NEIL3: variants seen among roughly 807,000 people sequenced by gnomAD.
NEIL3 encodes endonuclease 8-like 3.
Under a neutral mutation model 57.5 loss-of-function variants are expected in NEIL3, and 48 were observed. The observed-to-expected ratio is 0.83, with a 90% CI of 0.66 to 1.06. The LOEUF (loss-of-function observed/expected upper bound fraction) is 1.06, where lower values mean the gene tolerates loss of function less well. Among genes scored for constraint, NEIL3 ranks in the 50% least tolerant of loss-of-function variants. The pLI is 0.00. For synonymous variants in NEIL3, 261 were observed against 253.2 expected (o/e 1.03, Z -0.29); for missense variants, 717 against 739.1 (o/e 0.97, Z 0.35).
chr4:177,343,031 G>A (rs1202788181), intron 6 of NEIL3: 1 of 152,254 alleles, frequency 6.6e-6, no homozygotes, highest in Non-Finnish European at 1.5e-5. Context: ...TAATGGGCAA[G>A]CGATGGTTAC....
chr4:177,351,558 G>A lies in NEIL3; in HGVS notation c.1039+9G>A, dbSNP rs1735354099. ...GACCTCAAGGCCTATTGGTAAGACT[G>A]AATTTTGATTTTGAGTTTGTTACAT... On this transcript the variant is annotated intron_variant, in intron 7 of 9. Coordinates refer to ENST00000264596, the MANE Select transcript of NEIL3 (RefSeq NM_018248.3). 6.2e-7 allele frequency: 1 copy of A among 1,602,076 alleles called. No individual in the cohort carries two copies. The highest frequency in any genetic ancestry group is 2.2e-5 in the East Asian group (1 of 44,732).
intron 2 of NEIL3, among the ~76,000 whole-genome samples, chr4:177,331,832 T>C (rs1734890620): frequency 1.3e-5 from 2 of 152,190 alleles, no homozygotes; most frequent in Non-Finnish European, 2.9e-5. Context: ...AGTTTTGCTT[T>C]GTTTGGGTTG....
At chr4:177,339,958 A>C (rs1735059546) in intron 5 of NEIL3, 101 bp downstream of exon 5, 1 of 738,154 alleles carries the variant, frequency 1.4e-6, no homozygotes, top group African/African-American at 1.7e-5. Flanking sequence ...CATCTAGTGG[A>C]AAGAGCATGG....
At chr4:177,340,027 T>C (rs1032156004) in intron 5 of NEIL3, among the ~76,000 whole-genome samples, 170 bp downstream of exon 5, 1 of 152,172 alleles carries the variant, frequency 6.6e-6, no homozygotes. Flanking sequence ...AAATTCTAGG[T>C]CATAGGTCAG....
intron 1 of NEIL3, among the ~76,000 whole-genome samples, chr4:177,319,865 G>T (rs1033950874): frequency 6.6e-6 from 1 of 152,032 alleles, no homozygotes; most frequent in Non-Finnish European, 1.5e-5. Context: ...AATTTCACAG[G>T]GTATGGCTAA....
Position 177,358,831 on chromosome 4 carries a change from G to A in NEIL3, c.1461-1672G>A, listed in dbSNP as rs1025326694. Among the ~76,000 whole-genome samples the A allele has an allele frequency of 1.1e-4, 16 of 152,096 alleles. No individual in the cohort carries two copies. The South Asian group carries it at 1.2e-3, about 12-fold the overall frequency. On this transcript the variant is annotated intron_variant, in intron 8 of 9. Coordinates refer to ENST00000264596, the MANE Select transcript of NEIL3 (RefSeq NM_018248.3). ...CAAGTAGGTTAGAAAATGTTCAACC[G>A]TTATCCAAAACAGCCGCCTCTAAAA... is the stretch of plus-strand genomic sequence containing the variant.
Position 177,336,252 on chromosome 4 carries a change from A to T in NEIL3, c.558A>T (p.Val186=), listed in dbSNP as rs1161445385. ...GTGATGTGCTAATGGATCAGAACGT[A>T]TTGCCTGGAGTAGGGAACATCATCA... ...MLGDVLMDQN[V]LPGVGNIIKN... Residue 186 remains valine, a synonymous_variant, in exon 4 of 10, where the codon GTA becomes GTT. Transcript: ENST00000264596. 1.2e-6 allele frequency: 2 copies of T among 1,614,232 alleles called. No homozygotes were observed. Among genetic ancestry groups the T allele is most frequent in the East Asian group, 4.5e-5 (2 of 44,890 alleles).
rs1311247910 is a variant in NEIL3 at position 177,362,465 on chromosome 4, A to T, written c.1812A>T (p.Gly604=). The T allele has an allele frequency of 1.2e-6, 2 of 1,609,690 alleles. No individual in the cohort carries two copies. Among genetic ancestry groups the T allele is most frequent in the Non-Finnish European group, 1.7e-6 (2 of 1,177,166 alleles). ...ENGPGIKIIP[G]C ...GGCCAGGAATAAAAATTATTCCTGG[A>T]TGCTAATATCTGTAGATTCTCTGGC... The change falls in exon 10 of 10, where the codon GGA becomes GGT. Residue 604 remains glycine (G), a synonymous_variant. Coordinates refer to ENST00000264596, the MANE Select transcript of NEIL3 (RefSeq NM_018248.3).
intron 2 of NEIL3, 102 bp from the exon 3 acceptor site, chr4:177,335,586 C>T (rs540750456): frequency 2.9e-6 from 3 of 1,028,492 alleles, no homozygotes; most frequent in African/African-American, 1.7e-5. Flanking sequence ...TCCTGACTAA[C>T]ATTTGTTTGC....
In NEIL3 at chr4:177,362,392, C is replaced by G. The variant is rs748818502; in HGVS notation, c.1739C>G (p.Pro580Arg). 6.2e-7 allele frequency: 1 copy of G among 1,612,940 alleles called. No homozygotes were observed. The highest frequency in any genetic ancestry group is 1.7e-5 in the Admixed American group (1 of 59,892). ...AATGGAAAGAATTTTTTTGTGTGTCCTCTTGGGAAGGAAAAACAATGCAAT... is the reference window on the plus strand; with the variant it reads ...AATGGAAAGAATTTTTTTGTGTGTCGTCTTGGGAAGGAAAAACAATGCAAT... ...PNNGKNFFVCPLGKEKQCNFF... is the reference protein window; with the variant it reads ...PNNGKNFFVCRLGKEKQCNFF... Residue 580 changes from proline to arginine, a missense_variant, in exon 10 of 10, where the codon CCT becomes CGT. By Grantham distance (103) the Pro-to-Arg change is moderately radical. Coordinates refer to ENST00000264596, the MANE Select transcript of NEIL3 (RefSeq NM_018248.3).
chr4:177,317,291 C>T (rs561777687), intron 1 of NEIL3, among the ~76,000 whole-genome samples: 6 of 152,222 alleles, frequency 3.9e-5, no homozygotes, highest in East Asian at 1.9e-4. Flanking sequence ...GCAAATAAGA[C>T]GTGTATTACA....
At chr4:177,366,317 T>A (rs1735692052), downstream of NEIL3, among the ~76,000 whole-genome samples, 1 of 152,212 alleles carries the variant, frequency 6.6e-6, no homozygotes, top group African/African-American at 2.4e-5. Context: ...AGTGTTACCA[T>A]ATTAATTCTA....
downstream of NEIL3, among the ~76,000 whole-genome samples, chr4:177,363,148 C>T (rs76087943): frequency 4.4e-3 from 676 of 152,250 alleles, 7 homozygotes; most frequent in African/African-American, 0.015. Context: ...CCTCTCCCCG[C>T]TGCTTGTATT....
At chr4:177,361,917 C>T (rs1035685508) in intron 9 of NEIL3, among the ~76,000 whole-genome samples, 3 of 152,110 alleles carry the variant, frequency 2.0e-5, no homozygotes, top group Admixed American at 6.6e-5. Context: ...TGAGCCACCG[C>T]ACCTCACCTG....
chr4:177,362,361 C>T lies in NEIL3; in HGVS notation c.1708C>T (p.Pro570Ser), dbSNP rs755380703. ...CATGAAAACAGTATTGAAGATTGGACCTAACAATGGAAAGAATTTTTTTGT... is the reference window on the plus strand; with the variant it reads ...CATGAAAACAGTATTGAAGATTGGATCTAACAATGGAAAGAATTTTTTTGT... ...STMKTVLKIG[P>S]NNGKNFFVCP... Residue 570 changes from proline to serine, a missense_variant, in exon 10 of 10, where the codon CCT becomes TCT. Pro to Ser is a moderately conservative substitution (Grantham distance 74). Coordinates refer to ENST00000264596, the MANE Select transcript of NEIL3 (RefSeq NM_018248.3). The T allele has an allele frequency of 3.1e-6, 5 of 1,613,050 alleles. No individual in the cohort carries two copies. In the Admixed American group the frequency reaches 8.3e-5, roughly 27 times the overall value.
chr4:177,345,464 CT>C (rs11368079), intron 6 of NEIL3, among the ~76,000 whole-genome samples: 90,485 of 139,198 alleles, frequency 0.65, 28,460 homozygotes, highest in Non-Finnish European at 0.7. Context: ...CAAACCAACT[CT>C]TTTTTTTTTT....
At chr4:177,315,776 C>T (rs1450243334) in intron 1 of NEIL3, among the ~76,000 whole-genome samples, 1 of 152,176 alleles carries the variant, frequency 6.6e-6, no homozygotes, top group African/African-American at 2.4e-5. Context: ...TATCCAGGTG[C>T]TTGCAATGGC....
chr4:177,317,597 C>CTTTTTTTTTTTTTTTTTT (rs745358876), intron 1 of NEIL3, among the ~76,000 whole-genome samples: 1 of 70,070 alleles, frequency 1.4e-5, no homozygotes, highest in Non-Finnish European at 2.6e-5. Flanking sequence ...ACTTTCTTTT[C>CTTTTTTTTTTTTTTTTTT]TTTTTTTTTT....
In NEIL3 at chr4:177,362,894, TA is replaced by T. The variant is rs1199801482; in HGVS notation, c.*424del. The T allele has an allele frequency of 2.0e-5, 3 of 152,250 alleles. No homozygotes were observed. The East Asian group carries it at 5.8e-4, about 29-fold the overall frequency. The allele number at this position is 152,250 out of a possible 1,614,324, so 9.4% of individuals were successfully genotyped here. Reference sequence around the variant, plus strand: ...ACTATTTATAATATATGATTAAAGATATTTCTTGTTTTATTAAATAATAAGA... The same window carrying T: ...ACTATTTATAATATATGATTAAAGATTTTCTTGTTTTATTAAATAATAAGA... On this transcript the variant is annotated 3_prime_UTR_variant, in exon 10 of 10. Transcript: ENST00000264596.
Sources: allele counts gnomAD v4.1 joint callset (sites outside exome capture counted in the v4.1 genomes callset), GRCh38; gene constraint gnomAD v4.1.1; transcripts MANE v1.5; gene names NCBI Gene and HGNC (gene_info 2026-07-23, HGNC 2026-07-21).